PCIF1: variants seen among roughly 807,000 people sequenced by gnomAD.
PCIF1 encodes phosphorylated CTD interacting factor 1.
PCIF1 carries 12 observed loss-of-function variants against 86.9 expected under a neutral mutation model. That is an observed-to-expected ratio of 0.14 (90% CI 0.09 to 0.22). The LOEUF (loss-of-function observed/expected upper bound fraction) is 0.22. PCIF1 is among the 10% of genes least tolerant of loss of function. The pLI is 1.00. For synonymous variants in PCIF1, 397 were observed against 372.0 expected (o/e 1.07, Z -0.77); for missense variants, 701 against 951.1 (o/e 0.74, Z 3.46).
At position 45,945,005 on chromosome 20, in the gene PCIF1, C is replaced by T. The variant is rs1284370283; in HGVS notation, c.1143C>T (p.Ala381=). 1.2e-6 allele frequency: 2 copies of T among 1,612,978 alleles called. No homozygotes were observed. The highest frequency in any genetic ancestry group is 2.7e-5 in the African/African-American group (2 of 75,042). ...AACGGATCCGAGAGAAGCACCTTGC[C>T]ATCCTCAAGGAAAACAACATCTCAG... The part of the protein sequence containing the change: ...YVKRIREKHL[A]ILKENNISEE... Residue 381 remains alanine (A), a synonymous_variant, in exon 11 of 17, where the codon GCC becomes GCT. Transcript: ENST00000372409.
In PCIF1 at chr20:45,939,207, GT is replaced by G. The variant is rs756785610; in HGVS notation, c.125-5del. On this transcript the variant is annotated splice_polypyrimidine_tract_variant and splice_region_variant and intron_variant, in intron 3 of 16. Transcript: ENST00000372409. ...CTGACCCTGGCTGGGCTCCGTGCCT[GT>G]TTGCAGAGGAGCTGGTGCATGCAGG... The G allele has an allele frequency of 3.1e-6, 5 of 1,614,020 alleles. No homozygotes were observed. The highest frequency in any genetic ancestry group is 4.2e-6 in the Non-Finnish European group (5 of 1,180,028).
chr20:45,939,512 G>A (rs2083452396), intron 4 of PCIF1, among the ~76,000 whole-genome samples, 173 bp downstream of exon 4: 1 of 152,236 alleles, frequency 6.6e-6, no homozygotes, highest in Non-Finnish European at 1.5e-5. Flanking sequence ...CTCAAATGGG[G>A]TAGACTGACA....
chr20:45,935,672 A>T (rs2083418671), intron 1 of PCIF1, among the ~76,000 whole-genome samples: 1 of 152,180 alleles, frequency 6.6e-6, no homozygotes, highest in South Asian at 2.1e-4. Context: ...ATTGCAAAAA[A>T]TGGGTACATT....
rs895263210 is a variant in PCIF1 at position 45,937,592 on chromosome 20, G to A, written c.-20+7G>A. Reference sequence around the variant, plus strand: ...ACGTTGCAGACCCCAGAGGGTGAGAGAAAGGGGGACTTCATTCAGTCTTGA... The same window carrying A: ...ACGTTGCAGACCCCAGAGGGTGAGAAAAAGGGGGACTTCATTCAGTCTTGA... On this transcript the variant is annotated splice_region_variant and intron_variant, in intron 2 of 16. Transcript: ENST00000372409. The A allele has an allele frequency of 2.2e-4, 89 of 398,752 alleles. No individual in the cohort carries two copies. The highest frequency in any genetic ancestry group is 3.1e-4 in the Non-Finnish European group (71 of 226,074). The allele number at this position is 398,752 out of a possible 1,614,324, so 24.7% of individuals were successfully genotyped here. A position where few individuals can be genotyped will look rare whatever the true frequency, so the allele number is the denominator to read the frequency against.
At chr20:45,942,385 G>A (rs1271850964) in intron 7 of PCIF1, among the ~76,000 whole-genome samples, 13 of 149,520 alleles carry the variant, frequency 8.7e-5, no homozygotes, top group African/African-American at 3.2e-4. Context: ...CACGGTCTCG[G>A]CTCACTGCAA....
In PCIF1 at chr20:45,934,698, G is replaced by A. The variant is rs1425765160; in HGVS notation, c.-294G>A. 4 of 398,572 alleles carry A rather than the reference G, an allele frequency of 1.0e-5. No homozygotes were observed. The highest frequency in any genetic ancestry group is 6.2e-5 in the African/African-American group (3 of 48,608). The allele number at this position is 398,572 out of a possible 1,614,324, so 24.7% of individuals were successfully genotyped here. A position where few individuals can be genotyped will look rare whatever the true frequency, so the allele number is the denominator to read the frequency against. On this transcript the variant is annotated 5_prime_UTR_variant, in exon 1 of 17. Coordinates refer to ENST00000372409, the MANE Select transcript of PCIF1 (RefSeq NM_022104.4). ...CATGCGCAGCGCGGAGTCCCGGCCC[G>A]GGACACAAGATGGCGGCAGCGGCGC...
In PCIF1 at chr20:45,937,513, CTG is replaced by C. The variant is rs1052934284; in HGVS notation, c.-89_-88del. ...TCTTCCTGCAGGCCTTTCCTTGCCT[CTG>C]TGGGACCCTGTGGGGGTCCATCCGG... is the stretch of plus-strand genomic sequence containing the variant. On this transcript the variant is annotated 5_prime_UTR_variant, in exon 2 of 17. Transcript: ENST00000372409. 5.0e-6 allele frequency: 2 copies of C among 398,952 alleles called. No individual in the cohort carries two copies. Among genetic ancestry groups the C allele is most frequent in the African/African-American group, 4.1e-5 (2 of 48,628 alleles). 24.7% of individuals were successfully genotyped at this position (398,952 alleles called of 1,614,324 possible).
intron 2 of PCIF1, 23 bp from the exon 3 acceptor site, chr20:45,938,958 C>T (rs2083447311): frequency 6.2e-7 from 1 of 1,611,246 alleles, no homozygotes; most frequent in Non-Finnish European, 8.5e-7. Flanking sequence ...GGAGCTGACA[C>T]TCTTTGGTCC....
chr20:45,934,954 GGGCGGCCGCGCC>G, intron 1 of PCIF1, 150 bp downstream of exon 1: 1 of 395,610 alleles, frequency 2.5e-6, no homozygotes. Context: ...ACCCGCGGGT[GGGCGGCCGCGCC>G]GGTGGCCGAA....
chr20:45,938,852 A>G (rs934988770), intron 2 of PCIF1, 129 bp from the exon 3 acceptor site: 17 of 1,240,018 alleles, frequency 1.4e-5, no homozygotes, highest in Non-Finnish European at 1.9e-5. Flanking sequence ...GTGTGGCACC[A>G]TGCTGGCCCT....
At chr20:45,944,308 G>T (rs988621282) in intron 10 of PCIF1, among the ~76,000 whole-genome samples, 2 of 152,172 alleles carry the variant, frequency 1.3e-5, no homozygotes, top group African/African-American at 4.8e-5. Flanking sequence ...TTGACACGTA[G>T]AGAGTGACAA....
At chr20:45,945,318 T>C (rs1250182331) in intron 11 of PCIF1, among the ~76,000 whole-genome samples, 1 of 152,234 alleles carries the variant, frequency 6.6e-6, no homozygotes, top group Non-Finnish European at 1.5e-5. Context: ...TAGGATTGTG[T>C]GAGTACTCAT....
At chr20:45,938,659 G>A (rs918616936) in intron 2 of PCIF1, among the ~76,000 whole-genome samples, 1 of 152,160 alleles carries the variant, frequency 6.6e-6, no homozygotes, top group Non-Finnish European at 1.5e-5. Flanking sequence ...AGGTGTTCAC[G>A]GCCCTGAGGA....
rs1407227559 is a variant in PCIF1, at chr20:45,947,692, G to A, written c.2052G>A (p.Ser684=). ...CTGGTTCTTCCTCATCGTCCTCCTCGGAGGCCAAGGACCGGGACTCGGGCC... is the reference window on the plus strand; with the variant it reads ...CTGGTTCTTCCTCATCGTCCTCCTCAGAGGCCAAGGACCGGGACTCGGGCC... The part of the protein sequence containing the change: ...HSSGSSSSSS[S]EAKDRDSGRE... Residue 684 remains serine (S), a synonymous_variant, in exon 17 of 17, where the codon TCG becomes TCA. Coordinates refer to ENST00000372409, the MANE Select transcript of PCIF1 (RefSeq NM_022104.4). This position sits in a 1 kb window ranked among gnomAD's most constrained non-coding sequence, Gnocchi z 5.4. 22 of 1,609,390 alleles carry A rather than the reference G, an allele frequency of 1.4e-5. No individual in the cohort carries two copies. The highest frequency in any genetic ancestry group is 6.7e-5 in the Admixed American group (4 of 59,910).
intron 1 of PCIF1, among the ~76,000 whole-genome samples, chr20:45,937,208 CTG>C (rs1162902892): frequency 6.6e-6 from 1 of 152,182 alleles, no homozygotes; most frequent in East Asian, 1.9e-4. Flanking sequence ...ATGTGGATCC[CTG>C]TGCAGCCGTG....
At chr20:45,942,990 G>A (rs1254133357) in intron 7 of PCIF1, 107 bp from the exon 8 acceptor site, 6 of 1,161,750 alleles carry the variant, frequency 5.2e-6, no homozygotes, top group Non-Finnish European at 7.2e-6. Context: ...TTCTGAAGTG[G>A]GACTGTGTCT....
intron 6 of PCIF1, 47 bp downstream of exon 6, chr20:45,940,986 C>T (rs2083465015): frequency 1.9e-6 from 3 of 1,613,942 alleles, no homozygotes; most frequent in Non-Finnish European, 2.5e-6. Context: ...CTAATGTCAG[C>T]CTGTCTGGGA....
At chr20:45,936,995 G>A (rs142860023) in intron 1 of PCIF1, among the ~76,000 whole-genome samples, 19 of 150,708 alleles carry the variant, frequency 1.3e-4, no homozygotes, top group East Asian at 3.9e-4. Context: ...CTATGTTGCC[G>A]AGGCTGGTTT....
Position 45,947,908 on chromosome 20 carries a change from C to T in PCIF1, c.*153C>T, listed in dbSNP as rs113479284. ...TCCCTGCCTGTCCCCAAGTCCTCAC[C>T]TCAAACTCCCTCCAAGTCCCATGTA... On this transcript the variant is annotated 3_prime_UTR_variant, in exon 17 of 17. Coordinates refer to ENST00000372409, the MANE Select transcript of PCIF1 (RefSeq NM_022104.4). This position sits in a 1 kb window ranked among gnomAD's most constrained non-coding sequence, Gnocchi z 5.4. The T allele has an allele frequency of 1.0e-5, 16 of 1,534,220 alleles. No individual in the cohort carries two copies. The highest frequency in any genetic ancestry group is 5.5e-5 in the African/African-American group (4 of 72,998).
Sources: allele counts gnomAD v4.1 joint callset (sites outside exome capture counted in the v4.1 genomes callset), GRCh38; gene constraint gnomAD v4.1.1; non-coding constraint Gnocchi (gnomAD v3.1); transcripts MANE v1.5; gene names NCBI Gene and HGNC (gene_info 2026-07-23, HGNC 2026-07-21).